Variants in SYT2 observed in about 807,000 individuals in gnomAD.
SYT2 encodes the protein synaptotagmin 2.
SYT2 carries 15 observed loss-of-function variants against 39.9 expected under a neutral mutation model. The ratio of observed to expected loss-of-function variants is 0.38; its 90% CI spans 0.25 to 0.58. The LOEUF (loss-of-function observed/expected upper bound fraction) is 0.58. SYT2 is among the 20% of genes least tolerant of loss of function. The probability of loss-of-function intolerance (pLI) is 0.70; values close to 1 mark genes in which losing one functional copy is unlikely to be tolerated. For missense variants in SYT2, 389 were observed against 530.3 expected (o/e 0.73, Z 2.62); for synonymous variants, 181 against 204.5 (o/e 0.89, Z 0.98).
chr1:202,656,065 G>A lies in SYT2; in HGVS notation c.-17-50276C>T, dbSNP rs115680396. 2.4e-3 allele frequency among the ~76,000 whole-genome samples: 363 copies of A among 152,332 alleles called. 2 individuals carry two copies. The highest frequency in any genetic ancestry group is 8.3e-3 in the African/African-American group (345 of 41,562). ...GAGGAGTGGGTGAACAGCGGGCCGT[G>A]CCTGTAAGAAAGGGGGTGAAGAGTG... is the stretch of plus-strand genomic sequence containing the variant. On this transcript the variant is annotated intron_variant, in intron 1 of 8. Transcript: ENST00000367268.
At position 202,592,243 on chromosome 1, in the gene SYT2, G is replaced by A. The variant is rs1425681975; in HGVS notation, c.*4514C>T. The stretch of plus-strand genomic sequence containing the variant: ...AGATACCAGGCTGGACACTGCACCG[G>A]GCCCTGAGGTTTGGCTCTGCAGGCA... On this transcript the variant is annotated 3_prime_UTR_variant, in exon 9 of 9. Transcript: ENST00000367268. 6.5e-6 allele frequency: 1 copy of A among 152,728 alleles called. No homozygotes were observed. The highest frequency in any genetic ancestry group is 1.5e-5 in the Non-Finnish European group (1 of 68,128). 9.5% of individuals were successfully genotyped at this position (152,728 alleles called of 1,614,324 possible).
intron 1 of SYT2, among the ~76,000 whole-genome samples, chr1:202,668,721 A>G (rs191636400): frequency 1.5e-3 from 234 of 152,364 alleles, no homozygotes; most frequent in African/African-American, 5.2e-3. Context: ...TAACTTGCAT[A>G]AGAGCTCATG....
At chr1:202,688,472 G>A (rs1009582971) in intron 1 of SYT2, among the ~76,000 whole-genome samples, 4 of 152,320 alleles carry the variant, frequency 2.6e-5, no homozygotes, top group South Asian at 2.1e-4. Context: ...ACTCCGATTC[G>A]GTCCCCTGGA....
Position 202,705,812 on chromosome 1 carries a change from C to T in SYT2, c.-18+4446G>A, listed in dbSNP as rs143386525. Among the ~76,000 whole-genome samples, 340 of 151,634 alleles carry T rather than the reference C, an allele frequency of 2.2e-3. 1 individual carries two copies. The highest frequency in any genetic ancestry group is 7.8e-3 in the African/African-American group (324 of 41,362). ...CTCACTGCAGTCTCGACCTCCTGGG[C>T]TCAGGCGATCCTCCTGCTTAACCTG... On this transcript the variant is annotated intron_variant, in intron 1 of 8. Coordinates refer to ENST00000367268, the MANE Select transcript of SYT2 (RefSeq NM_177402.5).
At chr1:202,636,396 G>A in intron 1 of SYT2, 21 of 985,284 alleles carry the variant, frequency 2.1e-5, no homozygotes, top group Non-Finnish European at 2.5e-5. Context: ...AGAGGGAGAG[G>A]CCAACCTGTG....
intron 1 of SYT2, among the ~76,000 whole-genome samples, chr1:202,690,321 G>A (rs941497298): frequency 6.6e-6 from 1 of 152,172 alleles, no homozygotes; most frequent in Non-Finnish European, 1.5e-5. Context: ...AAATAGACAC[G>A]CTCTCTTTAT....
chr1:202,673,029 T>C (rs1359486871), intron 1 of SYT2, among the ~76,000 whole-genome samples: 3 of 152,046 alleles, frequency 2.0e-5, no homozygotes, highest in Admixed American at 2.0e-4. Context: ...TGTCTCACAA[T>C]ATCCAAACGT....
chr1:202,601,804 C>T lies in SYT2; in HGVS notation c.801+86G>A. ...TAACACAGGTCGTCTGCCTCCAAAG[C>T]CCACCCTGTTTCCATCATGCCAAGA... is the stretch of plus-strand genomic sequence containing the variant. On this transcript the variant is annotated intron_variant, in intron 6 of 8. Transcript: ENST00000367268. This position sits in a 1 kb window ranked among gnomAD's most constrained non-coding sequence, Gnocchi z 4.0. The T allele has an allele frequency of 1.4e-6, 2 of 1,452,832 alleles. No individual in the cohort carries two copies. Among genetic ancestry groups the T allele is most frequent in the Non-Finnish European group, 1.9e-6 (2 of 1,061,216 alleles). The allele number at this position is 1,452,832 out of a possible 1,614,324, so 90.0% of individuals were successfully genotyped here.
intron 1 of SYT2, among the ~76,000 whole-genome samples, chr1:202,698,299 A>G (rs1354882622): frequency 6.6e-6 from 1 of 152,168 alleles, no homozygotes; most frequent in Non-Finnish European, 1.5e-5. Flanking sequence ...AGAAGGAGCC[A>G]CGTGCCAGGG....
chr1:202,704,088 A>G (rs1213862868), intron 1 of SYT2, among the ~76,000 whole-genome samples: 2 of 152,134 alleles, frequency 1.3e-5, no homozygotes, highest in Admixed American at 1.3e-4. Flanking sequence ...CAGACTGTCC[A>G]GTGATGAGGC....
intron 1 of SYT2, among the ~76,000 whole-genome samples, chr1:202,655,589 G>C (rs1572660890): frequency 6.6e-6 from 1 of 152,234 alleles, no homozygotes; most frequent in East Asian, 1.9e-4. Flanking sequence ...TCCTATCCTT[G>C]TTTTCCAGAA....
At chr1:202,664,492 C>T (rs148767742) in intron 1 of SYT2, among the ~76,000 whole-genome samples, 53 of 152,292 alleles carry the variant, frequency 3.5e-4, no homozygotes, top group African/African-American at 1.0e-3. Context: ...ATATACAGCA[C>T]GTTTCCATCA....
intron 1 of SYT2, among the ~76,000 whole-genome samples, chr1:202,666,082 G>T (rs1389445597): frequency 6.6e-6 from 1 of 151,786 alleles, no homozygotes; most frequent in Admixed American, 6.6e-5. Flanking sequence ...GAACCAGGGA[G>T]GCGGAGCTTG....
intron 2 of SYT2, 33 bp from the exon 3 acceptor site, chr1:202,604,654 G>C (rs2149071094): frequency 6.2e-7 from 1 of 1,604,182 alleles, no homozygotes; most frequent in Non-Finnish European, 8.5e-7. Context: ...AGGGTCAGCA[G>C]TGCCATGCCT....
chr1:202,639,888 T>C (rs950444078), intron 1 of SYT2: 3 of 963,702 alleles, frequency 3.1e-6, no homozygotes, highest in Non-Finnish European at 3.7e-6. Flanking sequence ...GTATCCCTGC[T>C]CCTCCTGTAA....
intron 1 of SYT2, among the ~76,000 whole-genome samples, chr1:202,700,494 CAT>C (rs1247564809): frequency 6.6e-6 from 1 of 152,206 alleles, no homozygotes; most frequent in Non-Finnish European, 1.5e-5. Flanking sequence ...TAGATCCATC[CAT>C]AGTTACCATA....
At chr1:202,699,163 C>T (rs1654050529) in intron 1 of SYT2, among the ~76,000 whole-genome samples, 1 of 152,012 alleles carries the variant, frequency 6.6e-6, no homozygotes, top group South Asian at 2.1e-4. Context: ...GCTGGGAATA[C>T]AAGCATGCCA....
At chr1:202,682,204 G>A (rs1031619459) in intron 1 of SYT2, among the ~76,000 whole-genome samples, 2 of 152,178 alleles carry the variant, frequency 1.3e-5, no homozygotes, top group African/African-American at 4.8e-5. Context: ...GCACACGGGG[G>A]TATTCAAGGG....
chr1:202,682,504 C>T (rs766580085), intron 1 of SYT2, among the ~76,000 whole-genome samples: 7 of 152,164 alleles, frequency 4.6e-5, no homozygotes, highest in Non-Finnish European at 1.0e-4. Context: ...AGGAAAGCTT[C>T]AAGAAGAAGT....
Sources: gnomAD v4.1 joint callset for allele counts (sites outside exome capture counted in the v4.1 genomes callset) on GRCh38, gnomAD v4.1.1 for gene constraint, Gnocchi (gnomAD v3.1) non-coding constraint, MANE v1.5 for transcripts, NCBI Gene and HGNC (gene_info 2026-07-23, HGNC 2026-07-21) for gene names.